ASIC2: variants seen among roughly 807,000 people sequenced by gnomAD.
The protein encoded by ASIC2 is acid sensing ion channel subunit 2.
Under a neutral mutation model 57.3 loss-of-function variants are expected in ASIC2, and 25 were observed. The ratio of observed to expected loss-of-function variants is 0.44; its 90% CI spans 0.32 to 0.61. The LOEUF is 0.61. Among genes scored for constraint, ASIC2 ranks in the 20% least tolerant of loss-of-function variants. The pLI is 0.06. For synonymous variants in ASIC2, 319 were observed against 307.5 expected, an observed-to-expected ratio of 1.04 and a Z score of -0.39; for missense variants, 641 against 738.1, an observed-to-expected ratio of 0.87 and a Z score of 1.52.
intron 1 of ASIC2, among the ~76,000 whole-genome samples, chr17:33,251,525 G>C (rs193023197): frequency 6.6e-6 from 1 of 152,202 alleles, no homozygotes; most frequent in African/African-American, 2.4e-5. Flanking sequence ...ACAGGGTCTT[G>C]CTATGTGGAC....
rs541751371 is a variant in ASIC2 at position 33,620,720 on chromosome 17, T to A, written c.556-508653A>T. Among the ~76,000 whole-genome samples the A allele has an allele frequency of 7.9e-5, 12 of 152,326 alleles. No individual in the cohort carries two copies. In the South Asian group the frequency reaches 2.3e-3, roughly 29 times the overall value. ...TTTCTTATGAGGTAGAAAAGATGAT[T>A]CTTGATGAAAGACATCTATTTGAAT... is the stretch of plus-strand genomic sequence containing the variant. On this transcript the variant is annotated intron_variant, in intron 1 of 9. Coordinates refer to the ASIC2 transcript ENST00000359872.
At chr17:33,516,527 G>A (rs1914577503) in intron 1 of ASIC2, among the ~76,000 whole-genome samples, 1 of 152,136 alleles carries the variant, frequency 6.6e-6, no homozygotes, top group South Asian at 2.1e-4. Flanking sequence ...ACTTGAAAAT[G>A]CCGATATTCA....
intron 1 of ASIC2, among the ~76,000 whole-genome samples, chr17:34,108,080 G>A (rs111274268): frequency 0.023 from 3,470 of 151,766 alleles, 148 homozygotes; most frequent in African/African-American, 0.079. Flanking sequence ...TTTGTATCTC[G>A]CTTTTTTTTA....
chr17:33,700,277 A>C (rs1908656249), intron 1 of ASIC2, among the ~76,000 whole-genome samples: 1 of 148,230 alleles, frequency 6.7e-6, no homozygotes, highest in Non-Finnish European at 1.5e-5. Flanking sequence ...TGGGGAGGTG[A>C]AAAAAAAAAG....
rs192226910 is a variant in ASIC2, at chr17:34,149,794, G to A, written c.555+6184C>T. On this transcript the variant is annotated intron_variant, in intron 1 of 9. Transcript: ENST00000359872. Reference sequence around the variant, plus strand: ...GCCCTTGTACACTGTGGGTGGGAATGGAAATTAGTACAGCCATTATGGAAA... The same window carrying A: ...GCCCTTGTACACTGTGGGTGGGAATAGAAATTAGTACAGCCATTATGGAAA... Among the ~76,000 whole-genome samples the A allele has an allele frequency of 5.2e-4, 79 of 152,350 alleles. 1 individual carries two copies. The East Asian group carries it at 8.5e-3, about 16-fold the overall frequency.
At chr17:33,203,293 A>G (rs1482637524) in intron 1 of ASIC2, among the ~76,000 whole-genome samples, 1 of 152,186 alleles carries the variant, frequency 6.6e-6, no homozygotes, top group Admixed American at 6.5e-5. Flanking sequence ...TCTCTGTGTA[A>G]AACCATGTGC....
rs569589579 is a variant in ASIC2 at position 33,947,351 on chromosome 17, C to T, written c.555+208627G>A. Among the ~76,000 whole-genome samples, 32 of 152,306 alleles carry T rather than the reference C, an allele frequency of 2.1e-4. 1 individual carries two copies. The highest frequency in any genetic ancestry group is 7.5e-4 in the African/African-American group (31 of 41,556). ...CATTGGCGTTTCGCTCTAATTACTG[C>T]TCTTAGTGGGACCTCTACTTAGGCC... is the stretch of plus-strand genomic sequence containing the variant. On this transcript the variant is annotated intron_variant, in intron 1 of 9. Coordinates refer to the ASIC2 transcript ENST00000359872.
At chr17:33,464,491 T>C (rs1313838744) in intron 1 of ASIC2, among the ~76,000 whole-genome samples, 2 of 38,294 alleles carry the variant, frequency 5.2e-5, no homozygotes, top group East Asian at 8.3e-4. Context: ...TCTCTTTCTT[T>C]CTTTCTTTCT....
At chr17:33,449,364 A>G (rs1362705547) in intron 1 of ASIC2, among the ~76,000 whole-genome samples, 2 of 152,158 alleles carry the variant, frequency 1.3e-5, no homozygotes, top group East Asian at 3.9e-4. Flanking sequence ...TGTGGGCTGT[A>G]GCTACCTGCT....
At chr17:34,087,436 T>A (rs372156588) in intron 1 of ASIC2, among the ~76,000 whole-genome samples, 1 of 151,222 alleles carries the variant, frequency 6.6e-6, no homozygotes, top group Non-Finnish European at 1.5e-5. Context: ...CTTCCCTTTG[T>A]GGGTAACCCG....
chr17:34,040,120 G>A (rs1908061934), intron 1 of ASIC2, among the ~76,000 whole-genome samples: 2 of 114,344 alleles, frequency 1.7e-5, no homozygotes, highest in Admixed American at 8.3e-5. Flanking sequence ...GGCGCCCGAC[G>A]CGGCCCCGGG....
intron 1 of ASIC2, among the ~76,000 whole-genome samples, chr17:33,508,257 G>A (rs549129628): frequency 4.7e-4 from 71 of 152,192 alleles, no homozygotes; most frequent in African/African-American, 1.4e-3. Context: ...GGGGTGCTGT[G>A]CTGTGGCTCA....
At chr17:33,275,973 T>C (rs1439731687) in intron 1 of ASIC2, among the ~76,000 whole-genome samples, 1 of 152,166 alleles carries the variant, frequency 6.6e-6, no homozygotes, top group Non-Finnish European at 1.5e-5. Flanking sequence ...AACCACATGA[T>C]AATTTTAGGC....
chr17:33,892,086 T>G (rs114883959), intron 1 of ASIC2, among the ~76,000 whole-genome samples: 1,673 of 152,322 alleles, frequency 0.011, 30 homozygotes, highest in African/African-American at 0.038. Context: ...CTGGAATTGT[T>G]CTAGGTGCCA....
chr17:34,043,809 T>C (rs1304984706), intron 1 of ASIC2, among the ~76,000 whole-genome samples: 2 of 152,166 alleles, frequency 1.3e-5, no homozygotes, highest in East Asian at 3.9e-4. Flanking sequence ...TGGGTGTGTT[T>C]TGAATCCTGG....
chr17:33,340,914 G>A (rs1907694743), intron 1 of ASIC2, among the ~76,000 whole-genome samples: 1 of 152,130 alleles, frequency 6.6e-6, no homozygotes. Flanking sequence ...GTACTTGCAT[G>A]AGCCCAAGAG....
intron 1 of ASIC2, among the ~76,000 whole-genome samples, chr17:33,710,386 G>T (rs554520579): frequency 6.6e-6 from 1 of 152,320 alleles, no homozygotes; most frequent in African/African-American, 2.4e-5. Flanking sequence ...TCTTTGAAGT[G>T]CCGCAGGGAG....
chr17:34,098,167 T>A (rs1168493511), intron 1 of ASIC2, among the ~76,000 whole-genome samples: 3 of 152,182 alleles, frequency 2.0e-5, no homozygotes, highest in Non-Finnish European at 2.9e-5. Flanking sequence ...GAGAAAGATA[T>A]GTGACCAGAC....
At chr17:33,478,088 T>C (rs766042331) in intron 1 of ASIC2, among the ~76,000 whole-genome samples, 2 of 151,868 alleles carry the variant, frequency 1.3e-5, no homozygotes, top group Non-Finnish European at 2.9e-5. Flanking sequence ...GGGAACAAGG[T>C]AGCTTATTAG....
Sources: gnomAD v4.1 joint callset for allele counts (sites outside exome capture counted in the v4.1 genomes callset) on GRCh38, gnomAD v4.1.1 for gene constraint, MANE v1.5 for transcripts, NCBI Gene and HGNC (gene_info 2026-07-23, HGNC 2026-07-21) for gene names.